The following RRN3 variants were observed in gnomAD, a reference collection of about 807,000 sequenced individuals.
The protein encoded by RRN3 is RNA polymerase I-specific transcription initiation factor RRN3.
Under a neutral mutation model 82.3 loss-of-function variants are expected in RRN3, and 38 were observed. The ratio of observed to expected loss-of-function variants is 0.46; its 90% CI spans 0.36 to 0.61. The LOEUF (loss-of-function observed/expected upper bound fraction) is 0.61. RRN3 is among the 20% of genes least tolerant of loss of function. The probability of loss-of-function intolerance (pLI) is 0.00; values close to 1 mark genes in which losing one functional copy is unlikely to be tolerated. For synonymous variants in RRN3, 284 were observed against 284.3 expected, an observed-to-expected ratio of 1.00 and a Z score of 0.01; for missense variants, 726 against 793.1, an observed-to-expected ratio of 0.92 and a Z score of 1.02.
chr16:15,064,903 A>G (rs1183947146), intron 16 of RRN3, among the ~76,000 whole-genome samples: 2 of 152,210 alleles, frequency 1.3e-5, no homozygotes, highest in Non-Finnish European at 2.9e-5. Context: ...GCGGTGGCTC[A>G]CGCCTGTAAT....
At chr16:15,071,782 CAAAAAACAACAAAA>C (rs1027538948) in intron 12 of RRN3, among the ~76,000 whole-genome samples, 5 of 151,986 alleles carry the variant, frequency 3.3e-5, no homozygotes, top group Admixed American at 2.6e-4. Flanking sequence ...AACAAACAAA[CAAAAAACAACAAAA>C]AATTCAACCT....
At chr16:15,064,577 A>AC (rs1470809758) in intron 16 of RRN3, among the ~76,000 whole-genome samples, 1 of 152,042 alleles carries the variant, frequency 6.6e-6, no homozygotes, top group South Asian at 2.1e-4. Flanking sequence ...AAAAGACAGC[A>AC]CCCTCCCCTA....
chr16:15,091,601 G>C (rs1423657123), intron 2 of RRN3, among the ~76,000 whole-genome samples: 2 of 151,890 alleles, frequency 1.3e-5, no homozygotes, highest in East Asian at 3.9e-4. Flanking sequence ...CTATACTTCT[G>C]TATTGACATT....
chr16:15,093,846 G>C (rs2046239483), intron 1 of RRN3: 1 of 444,550 alleles, frequency 2.2e-6, no homozygotes, highest in Non-Finnish European at 4.0e-6. Flanking sequence ...GGACGAAGAA[G>C]AGGGAAGGAA....
intron 15 of RRN3, 102 bp from the exon 16 acceptor site, chr16:15,065,473 T>C: frequency 2.1e-6 from 2 of 932,292 alleles, no homozygotes; most frequent in South Asian, 1.9e-5. Flanking sequence ...ACAGAGAAAT[T>C]GCTGAATATA....
At chr16:15,085,179 C>T (rs34318650) in intron 6 of RRN3, among the ~76,000 whole-genome samples, 15 of 152,270 alleles carry the variant, frequency 9.9e-5, no homozygotes, top group African/African-American at 2.2e-4. Flanking sequence ...CCAGCATCAA[C>T]GAAAATTAAA....
intron 12 of RRN3, among the ~76,000 whole-genome samples, chr16:15,072,562 G>A (rs147714412): frequency 2.0e-3 from 303 of 152,212 alleles, no homozygotes; most frequent in African/African-American, 5.2e-3. Context: ...AACGCTTTGC[G>A]GGGCAGGAGG....
rs1246114992 is a variant in RRN3, at chr16:15,090,761, A to T, written c.252+554T>A. ...TCTAACTACCACTGCCATAGTAATA[A>T]ACCATTCTCTTCAAAACTGGGCAGT... is the stretch of plus-strand genomic sequence containing the variant. On this transcript the variant is annotated intron_variant, in intron 3 of 17. Transcript: ENST00000198767. Among the ~76,000 whole-genome samples the T allele has an allele frequency of 2.0e-5, 3 of 152,230 alleles. No individual in the cohort carries two copies. In the East Asian group the frequency reaches 5.8e-4, roughly 29 times the overall value.
chr16:15,084,447 G>T (rs2045834136), intron 7 of RRN3, among the ~76,000 whole-genome samples, 195 bp downstream of exon 7: 1 of 150,128 alleles, frequency 6.7e-6, no homozygotes, highest in Non-Finnish European at 1.5e-5. Context: ...TACAAACTTT[G>T]AAAAACAATT....
intron 8 of RRN3, among the ~76,000 whole-genome samples, chr16:15,082,757 T>C (rs2045759177): frequency 6.6e-6 from 1 of 152,132 alleles, no homozygotes; most frequent in Non-Finnish European, 1.5e-5. Context: ...TGTATGCTAC[T>C]AGATTCGGTT....
intron 15 of RRN3, among the ~76,000 whole-genome samples, chr16:15,067,503 T>A (rs943352206): frequency 7.6e-6 from 1 of 131,770 alleles, no homozygotes; most frequent in African/African-American, 2.6e-5. Flanking sequence ...GGATTAGCCA[T>A]AGCTACCAGA....
At chr16:15,072,735 G>A (rs1389841712) in intron 12 of RRN3, among the ~76,000 whole-genome samples, 1 of 152,168 alleles carries the variant, frequency 6.6e-6, no homozygotes, top group Non-Finnish European at 1.5e-5. Flanking sequence ...GGTGGAGGTT[G>A]CAGCAGTGGG....
Position 15,091,344 on chromosome 16 carries a change from T to C in RRN3, c.223A>G (p.Lys75Glu). 1 of 1,589,358 alleles carries C rather than the reference T, an allele frequency of 6.3e-7. No individual in the cohort carries two copies. ...ATGTCTGGATCTAACAGCTGGTTCT[T>C]CAACAACTCAAAGTCATTTGTTTCA... ...KGETNDFELL[K>E]NQLLDPDIKD... The change falls in exon 3 of 18, where the codon AAG becomes GAG. Residue 75 changes from lysine to glutamate, a missense_variant. This residue lies in a region of RRN3 where 344 missense variants were observed against 394.5 expected (regional missense o/e 0.87). Coordinates refer to ENST00000198767, the MANE Select transcript of RRN3 (RefSeq NM_018427.5).
intron 12 of RRN3, among the ~76,000 whole-genome samples, chr16:15,072,453 G>C (rs1336074433): frequency 6.6e-6 from 1 of 152,068 alleles, no homozygotes; most frequent in Non-Finnish European, 1.5e-5. Context: ...TGACATTTTC[G>C]GAGCACCTAG....
intron 15 of RRN3, among the ~76,000 whole-genome samples, chr16:15,067,349 G>A (rs972293824): frequency 4.6e-5 from 6 of 129,710 alleles, no homozygotes; most frequent in Admixed American, 3.5e-4. Context: ...AATCTGTGCT[G>A]CCAGTCTAGC....
chr16:15,087,065 C>T (rs1362243076), intron 3 of RRN3, among the ~76,000 whole-genome samples: 5 of 152,138 alleles, frequency 3.3e-5, no homozygotes, highest in Admixed American at 6.5e-5. Flanking sequence ...AAATTTGAAA[C>T]GCAATGTATA....
intron 1 of RRN3, among the ~76,000 whole-genome samples, chr16:15,093,219 G>T (rs1271411236): frequency 2.0e-5 from 3 of 152,136 alleles, no homozygotes; most frequent in Admixed American, 6.6e-5. Context: ...GGCCAGGCTG[G>T]TCTCCAACTC....
At chr16:15,089,274 G>C (rs2046024619) in intron 3 of RRN3, among the ~76,000 whole-genome samples, 2 of 152,012 alleles carry the variant, frequency 1.3e-5, no homozygotes, top group Admixed American at 1.3e-4. Context: ...CTAGGTGACA[G>C]AGCAAGACTC....
chr16:15,067,048 G>A lies in RRN3; in HGVS notation c.1553+1121C>T, dbSNP rs556506802. ...TGAGCTGCTCACCATCTTAACCAAC[G>A]TGCTGAAGCCTCCACCCACTCACTG... On this transcript the variant is annotated intron_variant, in intron 15 of 17. Transcript: ENST00000198767. Among the ~76,000 whole-genome samples, 6 of 143,586 alleles carry A rather than the reference G, an allele frequency of 4.2e-5. No individual in the cohort carries two copies. In the East Asian group the frequency reaches 8.3e-4, roughly 20 times the overall value. 94.2% of individuals were successfully genotyped at this position (143,586 alleles called of 152,430 possible).
Sources: gnomAD v4.1 joint callset for allele counts (sites outside exome capture counted in the v4.1 genomes callset) on GRCh38, gnomAD v4.1.1 for gene constraint, gnomAD v4.1.1 regional missense constraint, MANE v1.5 for transcripts, NCBI Gene and HGNC (gene_info 2026-07-23, HGNC 2026-07-21) for gene names.